Variants in TENM4 observed in about 807,000 individuals in gnomAD.
TENM4 encodes teneurin transmembrane protein 4.
Under a neutral mutation model 243.3 loss-of-function variants are expected in TENM4, and 82 were observed. That is an observed-to-expected ratio of 0.34 (90% CI 0.28 to 0.40). The LOEUF is 0.40. Ranked by LOEUF, TENM4 falls within the 10% of genes least tolerant of loss-of-function variation. The pLI is 1.00. For synonymous variants in TENM4, 1,412 were observed against 1,456.3 expected (o/e 0.97, Z 0.69); for missense variants, 3,138 against 3,673.3 (o/e 0.85, Z 3.77).
At chr11:78,966,048 G>A (rs1477782615) in intron 6 of TENM4, among the ~76,000 whole-genome samples, 1 of 152,100 alleles carries the variant, frequency 6.6e-6, no homozygotes, top group Admixed American at 6.5e-5. Flanking sequence ...ATGTACCGGA[G>A]CAGGGTAGGG....
intron 9 of TENM4, among the ~76,000 whole-genome samples, chr11:78,878,814 A>G (rs1202630291): frequency 6.6e-6 from 1 of 152,240 alleles, no homozygotes; most frequent in African/African-American, 2.4e-5. Context: ...AAAATAATCC[A>G]GATATGAAAT....
intron 17 of TENM4, among the ~76,000 whole-genome samples, chr11:78,778,339 A>G (rs1333598537): frequency 1.3e-5 from 2 of 148,334 alleles, no homozygotes; most frequent in African/African-American, 4.9e-5. Flanking sequence ...GGGGGAGGGA[A>G]AAACAAAAGT....
chr11:78,757,981 G>C (rs1208841381), intron 18 of TENM4, among the ~76,000 whole-genome samples: 1 of 152,196 alleles, frequency 6.6e-6, no homozygotes, highest in Non-Finnish European at 1.5e-5. Context: ...AAGTCCACCA[G>C]ATCACAGATT....
intron 6 of TENM4, among the ~76,000 whole-genome samples, chr11:79,041,634 C>T (rs997148580): frequency 6.6e-6 from 1 of 152,098 alleles, no homozygotes; most frequent in South Asian, 2.1e-4. Context: ...CAAAGAGTGG[C>T]CTTTGGGGAA....
Position 78,658,254 on chromosome 11 carries a change from C to T in TENM4, c.8114G>A (p.Arg2705His), listed in dbSNP as rs377301519. 1.5e-4 allele frequency: 246 copies of T among 1,613,560 alleles called. No homozygotes were observed. The highest frequency in any genetic ancestry group is 1.8e-4 in the Non-Finnish European group (215 of 1,179,710). The change falls in exon 34 of 34, where the codon CGC (arginine) becomes CAC (histidine). Residue 2705 changes from arginine to histidine, a missense_variant. Around this residue, in one of 2 missense-constraint regions of TENM4, gnomAD observed 2,467 missense variants for 3,059.1 expected, o/e 0.81. Coordinates refer to ENST00000278550, the MANE Select transcript of TENM4 (RefSeq NM_001098816.3). Reference protein sequence around the residue: ...RQRAVRQAWAREQQRLREGEE... With the variant: ...RQRAVRQAWAHEQQRLREGEE... The stretch of plus-strand genomic sequence containing the variant: ...CCCTTCCCGCAGTCTCTGCTGCTCG[C>T]GGGCCCACGCTTGGCGCACGGCTCT...
chr11:78,928,611 A>G (rs1325783799), intron 6 of TENM4, among the ~76,000 whole-genome samples: 1 of 152,258 alleles, frequency 6.6e-6, no homozygotes, highest in African/African-American at 2.4e-5. Flanking sequence ...TTCAAATTCC[A>G]ACTCTTCCAT....
At chr11:78,778,207 C>T (rs551788864) in intron 17 of TENM4, among the ~76,000 whole-genome samples, 35 of 151,722 alleles carry the variant, frequency 2.3e-4, no homozygotes, top group African/African-American at 7.7e-4. Flanking sequence ...GGGTCTCTTC[C>T]TTTCTCAGGC....
chr11:78,795,779 C>T (rs1857149507), intron 15 of TENM4, among the ~76,000 whole-genome samples: 1 of 152,224 alleles, frequency 6.6e-6, no homozygotes, highest in Non-Finnish European at 1.5e-5. Flanking sequence ...GGCACCCACG[C>T]TGTCTCCCTG....
At chr11:79,039,365 G>A (rs1377868100) in intron 6 of TENM4, among the ~76,000 whole-genome samples, 7 of 152,184 alleles carry the variant, frequency 4.6e-5, no homozygotes, top group African/African-American at 9.6e-5. Context: ...CTTGCTGTAC[G>A]TCAGCACAGC....
chr11:79,014,950 T>C (rs973361425), intron 6 of TENM4, among the ~76,000 whole-genome samples: 4 of 152,238 alleles, frequency 2.6e-5, no homozygotes, highest in African/African-American at 9.6e-5. Flanking sequence ...CTCTACACAG[T>C]TGTAAAGTGT....
At chr11:78,868,865 A>G (rs1020375205) in intron 9 of TENM4, among the ~76,000 whole-genome samples, 3 of 152,122 alleles carry the variant, frequency 2.0e-5, no homozygotes, top group African/African-American at 7.2e-5. Flanking sequence ...AGGCAGTGGG[A>G]ACCAACCCAA....
intron 6 of TENM4, among the ~76,000 whole-genome samples, chr11:79,033,249 G>A (rs1859291412): frequency 6.6e-6 from 1 of 152,098 alleles, no homozygotes; most frequent in African/African-American, 2.4e-5. Context: ...CCATACAGCA[G>A]GTGCCCAATA....
At position 78,653,322 on chromosome 11, in the gene TENM4, C is replaced by G. The variant is rs376075593; in HGVS notation, c.*4736G>C. ...TCTTTATTTGTCAACGAAGGCTACA[C>G]GGGATCACTTCTGGTTTTGTTTTTA... On this transcript the variant is annotated 3_prime_UTR_variant, in exon 34 of 34. Coordinates refer to ENST00000278550, the MANE Select transcript of TENM4 (RefSeq NM_001098816.3). 2.0e-5 allele frequency: 3 copies of G among 151,984 alleles called. No individual in the cohort carries two copies. Among genetic ancestry groups the G allele is most frequent in the African/African-American group, 4.8e-5 (2 of 41,360 alleles). The allele number at this position is 151,984 out of a possible 1,614,324, so 9.4% of individuals were successfully genotyped here.
chr11:79,213,250 TGTTCAATGATTTG>T (rs1863985976), intron 3 of TENM4, among the ~76,000 whole-genome samples: 1 of 152,174 alleles, frequency 6.6e-6, no homozygotes, highest in African/African-American at 2.4e-5. Context: ...ATATGGAACC[TGTTCAATGATTTG>T]TTCTTATGCT....
At chr11:79,299,509 C>T (rs536126393) in intron 1 of TENM4, among the ~76,000 whole-genome samples, 1 of 152,304 alleles carries the variant, frequency 6.6e-6, no homozygotes, top group African/African-American at 2.4e-5. Context: ...GTTACATTGT[C>T]CTCAGCTTTT....
At chr11:78,783,216 G>A (rs1398962068) in intron 16 of TENM4, among the ~76,000 whole-genome samples, 2 of 152,190 alleles carry the variant, frequency 1.3e-5, no homozygotes, top group African/African-American at 4.8e-5. Flanking sequence ...AAGGAAATCA[G>A]AGGTCAAGCA....
chr11:79,049,631 G>A (rs768316310), intron 6 of TENM4, among the ~76,000 whole-genome samples: 1 of 152,220 alleles, frequency 6.6e-6, no homozygotes, highest in South Asian at 2.1e-4. Context: ...GATAGGAGGG[G>A]CTATCTGTGC....
chr11:79,426,163 G>A (rs566111312), intron 1 of TENM4, among the ~76,000 whole-genome samples: 11 of 152,326 alleles, frequency 7.2e-5, no homozygotes, highest in African/African-American at 2.4e-4. Flanking sequence ...GATGTGAGAA[G>A]AGGATACATA....
At chr11:78,933,226 A>G (rs1474454811) in intron 6 of TENM4, among the ~76,000 whole-genome samples, 1 of 152,024 alleles carries the variant, frequency 6.6e-6, no homozygotes, top group African/African-American at 2.4e-5. Flanking sequence ...ATTGGTAAGG[A>G]GGGGATAATA....
Sources: gnomAD v4.1 joint callset for allele counts (sites outside exome capture counted in the v4.1 genomes callset) on GRCh38, gnomAD v4.1.1 for gene constraint, gnomAD v4.1.1 regional missense constraint, MANE v1.5 for transcripts, NCBI Gene and HGNC (gene_info 2026-07-23, HGNC 2026-07-21) for gene names.